Variants in SORBS2 observed in about 807,000 individuals in gnomAD.
The protein encoded by SORBS2 is sorbin and SH3 domain-containing protein 2.
Under a neutral mutation model 97.7 loss-of-function variants are expected in SORBS2, and 46 were observed. The ratio of observed to expected loss-of-function variants is 0.47; its 90% confidence interval spans 0.37 to 0.60. SORBS2 has a LOEUF of 0.60. SORBS2 is among the 20% of genes least tolerant of loss of function. The pLI is 0.00. For missense variants in SORBS2, 1,316 were observed against 1,282.3 expected, an observed-to-expected ratio of 1.03 and a Z score of -0.40; for synonymous variants, 476 against 473.4, an observed-to-expected ratio of 1.01 and a Z score of -0.07.
chr4:185,849,580 A>T (rs1292769595), intron 1 of SORBS2, among the ~76,000 whole-genome samples: 1 of 151,688 alleles, frequency 6.6e-6, no homozygotes. Flanking sequence ...TTCTGCCTAA[A>T]CCCTGTCCTG....
At chr4:185,786,014 A>G (rs1039224056) in intron 1 of SORBS2, among the ~76,000 whole-genome samples, 1 of 152,220 alleles carries the variant, frequency 6.6e-6, no homozygotes, top group Non-Finnish European at 1.5e-5. Context: ...AATTATTTGC[A>G]AATTGATCTT....
At chr4:185,614,294 T>A (rs1221362493) in intron 11 of SORBS2, among the ~76,000 whole-genome samples, 1 of 150,036 alleles carries the variant, frequency 6.7e-6, no homozygotes, top group East Asian at 2.0e-4. Flanking sequence ...GATACTAGGA[T>A]TGGATGGGCT....
At position 185,948,510 on chromosome 4, in the gene SORBS2, A is replaced by ATTTT. The variant is rs34637572; in HGVS notation, c.-338+7682_-338+7685dup. Among the ~76,000 whole-genome samples the ATTTT allele has an allele frequency of 2.0e-3, 177 of 87,740 alleles. 3 individuals are homozygous for ATTTT. The highest frequency in any genetic ancestry group is 2.6e-3 in the Non-Finnish European group (124 of 48,510). 57.6% of individuals were successfully genotyped at this position (87,740 alleles called of 152,430 possible). A position where few individuals can be genotyped will look rare whatever the true frequency, so the allele number is the denominator to read the frequency against. ...GTGATTAGGAGAGTAATGAATTTCA[A>ATTTT]TTTTTTTTTTTTTTTTTTTTTTTTT... On this transcript the variant is annotated intron_variant, in intron 1 of 20. Transcript: ENST00000284776.
intron 1 of SORBS2, among the ~76,000 whole-genome samples, chr4:185,787,056 A>G (rs918899332): frequency 6.7e-6 from 1 of 150,132 alleles, no homozygotes; most frequent in Non-Finnish European, 1.5e-5. Context: ...GAGACTTTGC[A>G]TGAATATTGG....
chr4:185,804,981 G>A (rs73873392), intron 1 of SORBS2, among the ~76,000 whole-genome samples: 4,392 of 151,642 alleles, frequency 0.029, 96 homozygotes, highest in African/African-American at 0.055. Context: ...TTATAACTCT[G>A]GATTTAAACT....
At chr4:185,854,534 C>T (rs13112022) in intron 1 of SORBS2, among the ~76,000 whole-genome samples, 39,013 of 151,978 alleles carry the variant, frequency 0.26, 5,230 homozygotes, top group South Asian at 0.35. Flanking sequence ...TTCTTTCAGT[C>T]GCTTAGGGTA....
At chr4:185,765,794 C>G (rs2153614923) in intron 2 of SORBS2, among the ~76,000 whole-genome samples, 1 of 152,214 alleles carries the variant, frequency 6.6e-6, no homozygotes, top group East Asian at 1.9e-4. Context: ...TTACTTTTTC[C>G]ACATAAAAGT....
At chr4:185,889,613 A>G (rs2099241467) in intron 1 of SORBS2, among the ~76,000 whole-genome samples, 1 of 151,902 alleles carries the variant, frequency 6.6e-6, no homozygotes, top group Admixed American at 6.6e-5. Flanking sequence ...TTATCTTTTC[A>G]TGTTCCTCTC....
intron 2 of SORBS2, among the ~76,000 whole-genome samples, chr4:185,742,712 G>A (rs983513296): frequency 6.6e-6 from 1 of 152,174 alleles, no homozygotes; most frequent in African/African-American, 2.4e-5. Flanking sequence ...CATAAATAAA[G>A]ATATATTTGC....
At chr4:185,896,220 C>G (rs527795957) in intron 1 of SORBS2, among the ~76,000 whole-genome samples, 17 of 152,266 alleles carry the variant, frequency 1.1e-4, no homozygotes, top group African/African-American at 3.9e-4. Flanking sequence ...TAAAGAAATG[C>G]ACTTAAAGAA....
intron 2 of SORBS2, among the ~76,000 whole-genome samples, chr4:185,692,869 G>A (rs2153520918): frequency 6.6e-6 from 1 of 152,182 alleles, no homozygotes; most frequent in African/African-American, 2.4e-5. Flanking sequence ...CTCAATAAAT[G>A]CTAAATTAAT....
At chr4:185,698,941 A>G (rs933068220) in intron 2 of SORBS2, among the ~76,000 whole-genome samples, 15 of 152,062 alleles carry the variant, frequency 9.9e-5, no homozygotes, top group Admixed American at 4.6e-4. Context: ...TGGTAATGTT[A>G]CGTGGTGAAA....
chr4:185,793,421 T>C (rs561393974), intron 1 of SORBS2, among the ~76,000 whole-genome samples: 6 of 152,348 alleles, frequency 3.9e-5, no homozygotes, highest in Non-Finnish European at 8.8e-5. Context: ...CTTAGTGCAA[T>C]GTAATTAATT....
At chr4:185,694,428 G>A (rs1441255969) in intron 2 of SORBS2, among the ~76,000 whole-genome samples, 4 of 152,172 alleles carry the variant, frequency 2.6e-5, no homozygotes, top group Non-Finnish European at 5.9e-5. Context: ...AGAAGTCTCC[G>A]AACATGAAGG....
intron 1 of SORBS2, among the ~76,000 whole-genome samples, chr4:185,954,526 G>T (rs989414478): frequency 2.6e-5 from 4 of 152,138 alleles, no homozygotes; most frequent in Admixed American, 2.6e-4. Context: ...TATCAAGCTA[G>T]CATAATTGAT....
At chr4:185,749,485 C>T (rs920567282) in intron 2 of SORBS2, among the ~76,000 whole-genome samples, 1 of 152,170 alleles carries the variant, frequency 6.6e-6, no homozygotes. Context: ...AAGATGAAAT[C>T]CTGATGGGAT....
intron 1 of SORBS2, among the ~76,000 whole-genome samples, chr4:185,791,424 T>C (rs1455419748): frequency 6.6e-6 from 1 of 152,146 alleles, no homozygotes; most frequent in African/African-American, 2.4e-5. Context: ...TTTATTCATA[T>C]AGCACAGTGC....
At chr4:185,690,588 T>C in intron 2 of SORBS2, 1 of 1,510,280 alleles carries the variant, frequency 6.6e-7, no homozygotes, top group Non-Finnish European at 9.0e-7. Flanking sequence ...CTTGGAGAGT[T>C]TGTTATTAAA....
At chr4:185,593,675 ATCT>A (rs1055966468) in intron 13 of SORBS2, 11 of 531,940 alleles carry the variant, frequency 2.1e-5, no homozygotes, top group African/African-American at 2.0e-4. Context: ...GTCAATTAAA[ATCT>A]TCTCAGAGAA....
Sources: gnomAD v4.1 joint callset for allele counts (sites outside exome capture counted in the v4.1 genomes callset) on GRCh38, gnomAD v4.1.1 for gene constraint, MANE v1.5 for transcripts, NCBI Gene and HGNC (gene_info 2026-07-23, HGNC 2026-07-21) for gene names.